The following RHOU variants were observed in gnomAD, a reference collection of about 807,000 sequenced individuals.
RHOU encodes ras homolog family member U.
Under a neutral mutation model 12.6 loss-of-function variants are expected in RHOU, and 8 were observed. The ratio of observed to expected loss-of-function variants is 0.64; its 90% CI spans 0.37 to 1.15. The LOEUF is 1.15. Among genes scored for constraint, RHOU ranks in the 50% most tolerant of loss-of-function variants. RHOU has a pLI of 0.01. For missense variants in RHOU, 258 were observed against 347.0 expected (o/e 0.74, Z 2.04); for synonymous variants, 161 against 147.4 (o/e 1.09, Z -0.67).
the RHOU span, among the ~76,000 whole-genome samples, chr1:228,707,161 T>C: frequency 2.5e-5 from 3 of 122,008 alleles, no homozygotes; most frequent in Non-Finnish European, 5.0e-5. Flanking sequence ...TATATACACA[T>C]ACACACACAT....
the RHOU span, chr1:228,650,042 T>C: frequency 1.8e-5 from 7 of 385,182 alleles, no homozygotes; most frequent in South Asian, 7.6e-5. Context: ...TCCACAGTTA[T>C]TGTTTTGACT....
At chr1:228,722,730 C>T in the RHOU span, among the ~76,000 whole-genome samples, 1 of 151,856 alleles carries the variant, frequency 6.6e-6, no homozygotes, top group African/African-American at 2.4e-5. Context: ...TCAAGCGATT[C>T]TCCTGCCTCA....
At chr1:228,713,002 CT>C in the RHOU span, among the ~76,000 whole-genome samples, 34 of 146,784 alleles carry the variant, frequency 2.3e-4, no homozygotes, top group Middle Eastern at 3.5e-3. Context: ...TTTTTTCTTC[CT>C]TTTTTTTTTA....
upstream of RHOU, among the ~76,000 whole-genome samples, chr1:228,734,670 C>G (rs3820265): frequency 0.17 from 25,602 of 152,122 alleles, 2,832 homozygotes; most frequent in African/African-American, 0.31. Context: ...ACGCTGTACA[C>G]CCCCAGGACT....
the RHOU span, among the ~76,000 whole-genome samples, chr1:228,727,333 T>G: frequency 1.3e-5 from 2 of 152,046 alleles, no homozygotes; most frequent in African/African-American, 4.8e-5. Flanking sequence ...TCTGGGACAG[T>G]GTTTCACTCT....
chr1:228,676,036 C>A, the RHOU span, among the ~76,000 whole-genome samples: 4 of 152,228 alleles, frequency 2.6e-5, no homozygotes, highest in Admixed American at 2.6e-4. Flanking sequence ...CATGTTATGG[C>A]TACTTGGTTT....
the RHOU span, chr1:228,687,803 G>A: frequency 1.5e-6 from 2 of 1,316,410 alleles, no homozygotes; most frequent in Non-Finnish European, 2.2e-6. Flanking sequence ...AGCACACCCT[G>A]GGGGACAGTG....
the RHOU span, among the ~76,000 whole-genome samples, chr1:228,648,914 G>A: frequency 1.3e-5 from 2 of 151,366 alleles, no homozygotes. Flanking sequence ...TGGCCAGGCT[G>A]GAGTGCAGTG....
chr1:228,737,878 G>T lies in RHOU; in HGVS notation c.321+147G>T. On this transcript the variant is annotated intron_variant, in intron 2 of 2. Transcript: ENST00000366691. This position sits in a 1 kb window ranked among gnomAD's most constrained non-coding sequence, Gnocchi z 4.1. ...CCCTGCTGTTGGCCCTTCTCTGAGG[G>T]TGGGCAGGGGCCAGGTTATTGGCCG... 1.3e-6 allele frequency: 1 copy of T among 788,062 alleles called. No homozygotes were observed. The allele number at this position is 788,062 out of a possible 1,614,324, so 48.8% of individuals were successfully genotyped here.
At chr1:228,693,668 G>C in the RHOU span, among the ~76,000 whole-genome samples, 1 of 151,972 alleles carries the variant, frequency 6.6e-6, no homozygotes, top group Non-Finnish European at 1.5e-5. Flanking sequence ...GGCTTTCACC[G>C]TATTGGCCAG....
At chr1:228,678,867 G>A in the RHOU span, among the ~76,000 whole-genome samples, 1 of 152,064 alleles carries the variant, frequency 6.6e-6, no homozygotes, top group Non-Finnish European at 1.5e-5. Context: ...AAGTATTAAG[G>A]CAGTGGCAGC....
the RHOU span, among the ~76,000 whole-genome samples, chr1:228,713,832 T>C: frequency 1.3e-5 from 2 of 152,150 alleles, no homozygotes; most frequent in African/African-American, 2.4e-5. Flanking sequence ...CTGTGGGATC[T>C]GACCCTATCT....
chr1:228,736,856 C>T (rs769778938), intron 1 of RHOU, among the ~76,000 whole-genome samples: 1 of 152,124 alleles, frequency 6.6e-6, no homozygotes, highest in South Asian at 2.1e-4. Flanking sequence ...CTTCTCTGAC[C>T]TTCCTTTCAT....
At position 228,746,609 on chromosome 1, in the gene RHOU, G is replaced by C. The variant is rs145208870; in HGVS notation, c.*2869G>C. ...AAGTGTAAATGATGTTGAGCAGAAT[G>C]TTGTACTTGAAAATGCTATAAGTGA... On this transcript the variant is annotated 3_prime_UTR_variant, in exon 3 of 3. Transcript: ENST00000366691. 1.3e-5 allele frequency: 2 copies of C among 152,334 alleles called. No homozygotes were observed. The highest frequency in any genetic ancestry group is 2.9e-5 in the Non-Finnish European group (2 of 68,028). The allele number at this position is 152,334 out of a possible 1,614,324, so 9.4% of individuals were successfully genotyped here.
chr1:228,687,956 T>C, the RHOU span: 2 of 670,506 alleles, frequency 3.0e-6, no homozygotes. Context: ...CCTTCCTTCC[T>C]TCTGTCCTTC....
At chr1:228,706,965 C>A in the RHOU span, among the ~76,000 whole-genome samples, 13 of 151,058 alleles carry the variant, frequency 8.6e-5, no homozygotes, top group African/African-American at 2.7e-4. Context: ...TAATTAATAT[C>A]TCCAGTATGC....
the RHOU span, among the ~76,000 whole-genome samples, chr1:228,712,526 T>C: frequency 3.3e-5 from 5 of 151,468 alleles, no homozygotes; most frequent in Admixed American, 1.3e-4. Flanking sequence ...TGCATGAAAT[T>C]GGAAATCATC....
chr1:228,657,987 G>C, the RHOU span, among the ~76,000 whole-genome samples: 1 of 152,120 alleles, frequency 6.6e-6, no homozygotes, highest in Non-Finnish European at 1.5e-5. Context: ...ATAGTGTTAA[G>C]AGGTGGACAG....
At chr1:228,671,178 T>C in the RHOU span, among the ~76,000 whole-genome samples, 5 of 152,194 alleles carry the variant, frequency 3.3e-5, no homozygotes, top group South Asian at 1.0e-3. Context: ...CTAATTTTTG[T>C]ATTTTTAGTA....
Sources: allele counts gnomAD v4.1 joint callset (sites outside exome capture counted in the v4.1 genomes callset), GRCh38; gene constraint gnomAD v4.1.1; non-coding constraint Gnocchi (gnomAD v3.1); transcripts MANE v1.5; gene names NCBI Gene and HGNC (gene_info 2026-07-23, HGNC 2026-07-21).